DLG5: variants seen among roughly 807,000 people sequenced by gnomAD.
DLG5 encodes the protein disks large homolog 5.
Under a neutral mutation model 189.8 loss-of-function variants are expected in DLG5, and 48 were observed. The ratio of observed to expected loss-of-function variants is 0.25; its 90% CI spans 0.20 to 0.32. The LOEUF is 0.32. Among genes scored for constraint, DLG5 ranks in the 10% least tolerant of loss-of-function variants. DLG5 has a pLI of 1.00. For synonymous variants in DLG5, 1,016 were observed against 1,054.1 expected (o/e 0.96, Z 0.70); for missense variants, 2,160 against 2,544.7 (o/e 0.85, Z 3.25).
intron 1 of DLG5, among the ~76,000 whole-genome samples, chr10:77,875,968 G>A (rs903307660): frequency 6.6e-6 from 1 of 152,068 alleles, no homozygotes; most frequent in African/African-American, 2.4e-5. Flanking sequence ...GGGAGGTATA[G>A]GTTGACCATG....
In DLG5 at chr10:77,833,995, C is replaced by A; in HGVS notation, c.1667G>T (p.Ser556Ile). Residue 556 changes from serine (S) to isoleucine (I), a missense_variant, in exon 9 of 32, where the codon AGC becomes ATC. Ser to Ile is a moderately radical substitution (Grantham distance 142). Transcript: ENST00000372391. ...NLRRERDRAV[S>I]ELAEALRSLD... ...GCTGCGCAGGGCCTCAGCCAGCTCG[C>A]TCACCGCACGGTCCCGCTCCCGCCT... 6.2e-7 allele frequency: 1 copy of A among 1,609,018 alleles called. No homozygotes were observed. The highest frequency in any genetic ancestry group is 8.5e-7 in the Non-Finnish European group (1 of 1,179,962).
chr10:77,892,457 GT>G (rs1482502405), intron 1 of DLG5, among the ~76,000 whole-genome samples: 2 of 152,212 alleles, frequency 1.3e-5, no homozygotes, highest in South Asian at 4.1e-4. Context: ...GTTCTTACTT[GT>G]AAGACAGCAC....
chr10:77,814,461 T>TTATTTA (rs1841939762), intron 20 of DLG5, among the ~76,000 whole-genome samples: 1 of 70,700 alleles, frequency 1.4e-5, no homozygotes, highest in East Asian at 5.2e-4. Context: ...TAAAGCATGT[T>TTATTTA]TATATATATA....
At chr10:77,872,084 C>T (rs541064717) in intron 1 of DLG5, among the ~76,000 whole-genome samples, 1 of 152,280 alleles carries the variant, frequency 6.6e-6, no homozygotes, top group Admixed American at 6.5e-5. Flanking sequence ...TGGAAGACGT[C>T]TACTCAGGAA....
upstream of DLG5, among the ~76,000 whole-genome samples, chr10:77,931,645 T>C (rs1327083418): frequency 6.6e-6 from 1 of 152,098 alleles, no homozygotes; most frequent in Non-Finnish European, 1.5e-5. Flanking sequence ...TCCTCTACTG[T>C]CAACTCTGCT....
chr10:77,824,453 G>C lies in DLG5; in HGVS notation c.2313C>G (p.Asn771Lys), dbSNP rs1007397689. The part of the protein sequence containing the change: ...IVAINGIALD[N>K]KSLNECESLL... ...GAGATTCACATTCATTCAGAGACTT[G>C]TTGTCCAGTGCAATGCCATTGATCT... Residue 771 changes from asparagine to lysine, a missense_variant, in exon 14 of 32, where the codon AAC becomes AAG. Asn to Lys is a moderately conservative substitution (Grantham distance 94). Transcript: ENST00000372391. The C allele has an allele frequency of 5.6e-6, 9 of 1,613,888 alleles. No homozygotes were observed. Among genetic ancestry groups the C allele is most frequent in the Non-Finnish European group, 2.5e-6 (3 of 1,179,972 alleles).
intron 1 of DLG5, among the ~76,000 whole-genome samples, chr10:77,896,566 C>T (rs918737825): frequency 5.9e-5 from 9 of 152,056 alleles, no homozygotes; most frequent in African/African-American, 1.9e-4. Flanking sequence ...ATGGCCCAGG[C>T]GCAGTAGCTC....
At chr10:77,936,827 C>G in the DLG5 span, among the ~76,000 whole-genome samples, 1 of 152,200 alleles carries the variant, frequency 6.6e-6, no homozygotes, top group Non-Finnish European at 1.5e-5. Flanking sequence ...CAGCTGTCAT[C>G]CCTTCTTCCT....
chr10:77,898,385 G>C (rs1392607855), intron 1 of DLG5, among the ~76,000 whole-genome samples: 1 of 152,246 alleles, frequency 6.6e-6, no homozygotes, highest in East Asian at 1.9e-4. Context: ...GGGAGCTGGG[G>C]ACAAGGTAGG....
chr10:77,860,018 C>T (rs912312168), intron 2 of DLG5, among the ~76,000 whole-genome samples: 4 of 152,210 alleles, frequency 2.6e-5, no homozygotes, highest in African/African-American at 9.6e-5. Flanking sequence ...GTGGAGCTTC[C>T]TTTGAACGTG....
At position 77,821,334 on chromosome 10, in the gene DLG5, G is replaced by A. The variant is rs766071356; in HGVS notation, c.3150C>T (p.Ala1050=). The change falls in exon 15 of 32, where the codon GCC becomes GCT. Residue 1050 remains alanine (A), a synonymous_variant. Transcript: ENST00000372391. ...CCCCGGGGTCCACGTCAGGGGGCAG[G>A]GCGCTCGGGGGACTAGTGGATGGGG... ...GSSPSTSPPS[A]LPPDVDPGEP... is the part of the protein sequence containing the mutation. The A allele has an allele frequency of 1.2e-6, 2 of 1,613,174 alleles. No individual in the cohort carries two copies. The highest frequency in any genetic ancestry group is 2.2e-5 in the East Asian group (1 of 44,872).
At chr10:77,847,334 G>A (rs1248677) in intron 5 of DLG5, among the ~76,000 whole-genome samples, 112,477 of 151,982 alleles carry the variant, frequency 0.74, 42,480 homozygotes, top group African/African-American at 0.9. Context: ...CGTGCTCACC[G>A]GGAGCTACTC....
chr10:77,794,805 C>A (rs1840824967), intron 30 of DLG5, 44 bp downstream of exon 30: 2 of 1,557,440 alleles, frequency 1.3e-6, no homozygotes, highest in East Asian at 4.5e-5. Flanking sequence ...CCCAGCCCCA[C>A]CTGTGACAAG....
intron 18 of DLG5, among the ~76,000 whole-genome samples, chr10:77,817,527 G>A (rs568994764): frequency 6.6e-6 from 1 of 152,350 alleles, no homozygotes; most frequent in East Asian, 1.9e-4. Context: ...AAGGCTCCTA[G>A]CTGAGGGGTC....
At chr10:77,869,254 C>T in intron 1 of DLG5, 57 bp from the exon 2 acceptor site, 2 of 1,527,840 alleles carry the variant, frequency 1.3e-6, no homozygotes, top group South Asian at 2.3e-5. Flanking sequence ...GTCTTCACCC[C>T]AAGCCAGCTG....
intron 1 of DLG5, among the ~76,000 whole-genome samples, chr10:77,909,474 T>C (rs907158752): frequency 2.6e-5 from 4 of 151,960 alleles, no homozygotes; most frequent in Non-Finnish European, 4.4e-5. Context: ...CTGCGTGTTC[T>C]GCACATGTAC....
In DLG5 at chr10:77,848,032, G is replaced by A. The variant is rs140709115; in HGVS notation, c.865-4326C>T. ...GAGAGTCAACTTTTCCACTCAGGCA[G>A]GCAGCAGTCTTTAGAGATGATGTCC... On this transcript the variant is annotated intron_variant, in intron 5 of 31. Transcript: ENST00000372391. Among the ~76,000 whole-genome samples the A allele has an allele frequency of 3.5e-3, 534 of 152,304 alleles. 3 individuals carry two copies. The highest frequency in any genetic ancestry group is 4.7e-3 in the Non-Finnish European group (319 of 68,024).
At position 77,796,455 on chromosome 10, in the gene DLG5, G is replaced by A; in HGVS notation, c.5304C>T (p.Pro1768=). 3.7e-6 allele frequency: 6 copies of A among 1,614,184 alleles called. No homozygotes were observed. Among genetic ancestry groups the A allele is most frequent in the Non-Finnish European group, 5.1e-6 (6 of 1,180,028 alleles). ...AGGGTGCCCCGTGCCCCTTACCAAG[G>A]GGACATCTGCAGAACTTGCCAGGAG... ...NEAPGKFCRC[P]LEVMKASQQA... is the part of the protein sequence containing the mutation. The change falls in exon 28 of 32, where the codon CCC becomes CCT. Residue 1768 remains proline, a synonymous_variant. Transcript: ENST00000372391. This position sits in a 1 kb window ranked among gnomAD's most constrained non-coding sequence, Gnocchi z 5.2.
chr10:77,810,771 G>C (rs1243679040), intron 23 of DLG5, among the ~76,000 whole-genome samples: 1 of 152,188 alleles, frequency 6.6e-6, no homozygotes, highest in African/African-American at 2.4e-5. Flanking sequence ...TGGGTGGCCA[G>C]AGCCCAGGGC....
Sources: gnomAD v4.1 joint callset for allele counts (sites outside exome capture counted in the v4.1 genomes callset) on GRCh38, gnomAD v4.1.1 for gene constraint, Gnocchi (gnomAD v3.1) non-coding constraint, MANE v1.5 for transcripts, NCBI Gene and HGNC (gene_info 2026-07-23, HGNC 2026-07-21) for gene names.